Variants in ATP13A4 observed in about 807,000 individuals in gnomAD.
The protein encoded by ATP13A4 is ATPase 13A4, also known as probable cation-transporting ATPase 13A4.
In ATP13A4, 114 loss-of-function variants were observed where a neutral mutation model predicts 142.5. The ratio of observed to expected loss-of-function variants is 0.80; its 90% CI spans 0.69 to 0.93. The LOEUF is 0.93. Among genes scored for constraint, ATP13A4 ranks in the 40% least tolerant of loss-of-function variants. ATP13A4 has a pLI of 0.00. For synonymous variants in ATP13A4, 488 were observed against 514.8 expected (o/e 0.95, Z 0.70); for missense variants, 1,392 against 1,454.0 (o/e 0.96, Z 0.69).
At chr3:193,558,477 A>G (rs1723950419), upstream of ATP13A4, among the ~76,000 whole-genome samples, 1 of 152,194 alleles carries the variant, frequency 6.6e-6, no homozygotes, top group South Asian at 2.1e-4. Context: ...TCTGTAATAG[A>G]TGAAGAATAG....
At chr3:193,457,271 T>C (rs1374610071) in intron 15 of ATP13A4, 108 bp downstream of exon 15, 6 of 1,573,402 alleles carry the variant, frequency 3.8e-6, no homozygotes, top group Non-Finnish European at 4.4e-6. Flanking sequence ...CTCACCCATT[T>C]TCACACCTGA....
intron 7 of ATP13A4, among the ~76,000 whole-genome samples, chr3:193,485,046 A>T (rs1332091434): frequency 6.6e-6 from 1 of 152,220 alleles, no homozygotes; most frequent in Non-Finnish European, 1.5e-5. Flanking sequence ...ATTCCAGGTG[A>T]CATATCGAAA....
chr3:193,552,707 C>T (rs370033489), intron 1 of ATP13A4, among the ~76,000 whole-genome samples: 31 of 152,292 alleles, frequency 2.0e-4, no homozygotes, highest in African/African-American at 7.5e-4. Flanking sequence ...GGGCTATGTT[C>T]AGGTCCAGAG....
At chr3:193,462,051 G>A (rs1041725352) in intron 13 of ATP13A4, among the ~76,000 whole-genome samples, 2 of 151,778 alleles carry the variant, frequency 1.3e-5, no homozygotes, top group Non-Finnish European at 1.5e-5. Flanking sequence ...GTGAAACCCC[G>A]TCCCTACTAA....
chr3:193,458,056 C>T (rs1322200218), intron 14 of ATP13A4, among the ~76,000 whole-genome samples: 2 of 152,190 alleles, frequency 1.3e-5, no homozygotes, highest in African/African-American at 4.8e-5. Context: ...ACTGCAATCC[C>T]TATTTAAAGA....
At chr3:193,509,771 T>G (rs1208945635) in intron 2 of ATP13A4, among the ~76,000 whole-genome samples, 1 of 152,222 alleles carries the variant, frequency 6.6e-6, no homozygotes, top group Admixed American at 6.5e-5. Context: ...GATATGTGGC[T>G]GAGGAATGAG....
At chr3:193,521,720 G>A (rs1213714660) in intron 1 of ATP13A4, among the ~76,000 whole-genome samples, 1 of 152,052 alleles carries the variant, frequency 6.6e-6, no homozygotes, top group Admixed American at 6.5e-5. Flanking sequence ...ATCACCTCAG[G>A]TCAGGAGATC....
chr3:193,480,344 C>T (rs1348923832), intron 8 of ATP13A4, among the ~76,000 whole-genome samples: 1 of 152,028 alleles, frequency 6.6e-6, no homozygotes, highest in African/African-American at 2.4e-5. Flanking sequence ...ACAGAACATC[C>T]ACAGAGTGGG....
chr3:193,576,420 C>A (rs1031192208), intron 2 of ATP13A4, among the ~76,000 whole-genome samples: 1 of 149,638 alleles, frequency 6.7e-6, no homozygotes, highest in Non-Finnish European at 1.5e-5. Context: ...TACAGGCGCC[C>A]GCCACCGCGC....
rs777706964 is a variant in ATP13A4, at chr3:193,407,316, G to A, written c.3375C>T (p.Ala1125=). The A allele has an allele frequency of 5.6e-6, 9 of 1,610,600 alleles. No homozygotes were observed. The East Asian group carries it at 1.1e-4, about 20-fold the overall frequency. The change falls in exon 29 of 30, where the codon GCC becomes GCT. Residue 1125 remains alanine (A), a synonymous_variant. Coordinates refer to ENST00000342695, the MANE Select transcript of ATP13A4 (RefSeq NM_032279.4). ...LSLNFIVSLV[A]EEAVIENRAL... ...AGCCCAAGATCAGCACACTTACCTC[G>A]GCCACAAGGGACACAATGAAATTCA...
intron 8 of ATP13A4, among the ~76,000 whole-genome samples, chr3:193,471,605 TAA>T (rs1718627760): frequency 1.3e-5 from 2 of 151,214 alleles, no homozygotes; most frequent in African/African-American, 2.4e-5. Flanking sequence ...TCCTAATAGA[TAA>T]AGAGTTCCTT....
chr3:193,557,315 T>C (rs1351884086), upstream of ATP13A4, among the ~76,000 whole-genome samples: 1 of 152,138 alleles, frequency 6.6e-6, no homozygotes, highest in Non-Finnish European at 1.5e-5. Flanking sequence ...TCCTTGGGAG[T>C]TCTATTGGTA....
At chr3:193,484,120 A>C in intron 7 of ATP13A4, 115 bp from the exon 8 acceptor site, 1 of 889,598 alleles carries the variant, frequency 1.1e-6, no homozygotes, top group Non-Finnish European at 1.9e-6. Flanking sequence ...AGTTGAATGG[A>C]ATGTACTGGC....
chr3:193,451,337 G>A (rs1717263553), intron 17 of ATP13A4, among the ~76,000 whole-genome samples: 1 of 152,180 alleles, frequency 6.6e-6, no homozygotes, highest in African/African-American at 2.4e-5. Context: ...GCCTACATTG[G>A]CACTAGTATT....
intron 29 of ATP13A4, 59 bp downstream of exon 29, chr3:193,407,253 TC>T: frequency 6.8e-7 from 1 of 1,459,920 alleles, no homozygotes; most frequent in South Asian, 1.1e-5. Context: ...CCCAAAGAAG[TC>T]CCCCTACACA....
At chr3:193,473,755 G>C (rs1718753758) in intron 8 of ATP13A4, among the ~76,000 whole-genome samples, 1 of 152,016 alleles carries the variant, frequency 6.6e-6, no homozygotes, top group South Asian at 2.1e-4. Flanking sequence ...TTAACCATGA[G>C]GCAACATCAG....
At chr3:193,553,079 T>C (rs533433287) in intron 1 of ATP13A4, 1 of 152,186 alleles carries the variant, frequency 6.6e-6, no homozygotes, top group African/African-American at 2.4e-5. Context: ...CAGGAGTGCA[T>C]ACTAATTGCT....
chr3:193,559,305 A>T (rs530531125), upstream of ATP13A4, among the ~76,000 whole-genome samples: 1 of 152,282 alleles, frequency 6.6e-6, no homozygotes, highest in Admixed American at 6.5e-5. Flanking sequence ...TACCATGGAG[A>T]GGAACCTGAA....
chr3:193,591,862 G>T (rs547405618), intron 1 of ATP13A4, among the ~76,000 whole-genome samples: 1 of 151,980 alleles, frequency 6.6e-6, no homozygotes. Flanking sequence ...AGGAAGTAAC[G>T]ATTACAAAGA....
Sources: gnomAD v4.1 joint callset for allele counts (sites outside exome capture counted in the v4.1 genomes callset) on GRCh38, gnomAD v4.1.1 for gene constraint, MANE v1.5 for transcripts, NCBI Gene and HGNC (gene_info 2026-07-23, HGNC 2026-07-21) for gene names.